Variants in STX1B observed in about 807,000 individuals in gnomAD.
The protein encoded by STX1B is syntaxin-1B.
In STX1B, 7 loss-of-function variants were observed where a neutral mutation model predicts 39.4. The ratio of observed to expected loss-of-function variants is 0.18; its 90% CI spans 0.10 to 0.33. STX1B has a LOEUF of 0.33. Ranked by LOEUF, STX1B falls within the 10% of genes least tolerant of loss-of-function variation. The pLI, the probability that STX1B is intolerant of heterozygous loss-of-function variation, is 1.00. For missense variants in STX1B, 198 were observed against 383.2 expected (o/e 0.52, Z 4.04); for synonymous variants, 136 against 144.1 (o/e 0.94, Z 0.40).
In STX1B at chr16:30,993,250, G is replaced by A. The variant is rs375416339; in HGVS notation, c.676-10C>T. Reference sequence around the variant, plus strand: ...GGTCAATCATCTCTCCCTGCAGACAGAGGAGACATGCACAGGGAGGGATGG... The same window carrying A: ...GGTCAATCATCTCTCCCTGCAGACAAAGGAGACATGCACAGGGAGGGATGG... On this transcript the variant is annotated splice_polypyrimidine_tract_variant and intron_variant, in intron 8 of 9. Coordinates refer to ENST00000215095, the MANE Select transcript of STX1B (RefSeq NM_052874.5). 2.5e-6 allele frequency: 4 copies of A among 1,613,648 alleles called. No individual in the cohort carries two copies. The African/African-American group carries it at 4.0e-5, about 16-fold the overall frequency.
chr16:31,004,964 C>T (rs571188715), intron 1 of STX1B, among the ~76,000 whole-genome samples: 2 of 152,216 alleles, frequency 1.3e-5, no homozygotes, highest in Non-Finnish European at 2.9e-5. Context: ...TCCTAAAAAG[C>T]CCACTCTGCC....
At chr16:31,004,294 A>G (rs1264713698) in intron 1 of STX1B, among the ~76,000 whole-genome samples, 2 of 152,224 alleles carry the variant, frequency 1.3e-5, no homozygotes, top group African/African-American at 4.8e-5. Flanking sequence ...TGCTCCACAT[A>G]TATCTATCCA....
intron 4 of STX1B, among the ~76,000 whole-genome samples, chr16:30,997,942 T>C (rs988373890): frequency 1.3e-5 from 2 of 152,166 alleles, no homozygotes; most frequent in African/African-American, 4.8e-5. Context: ...GCCATGTATG[T>C]GGGGTGCTCC....
intron 7 of STX1B, chr16:30,996,310 C>A (rs2056591602): frequency 5.1e-6 from 1 of 194,768 alleles, no homozygotes; most frequent in Admixed American, 5.4e-5. Context: ...AGAGTTCTGA[C>A]TCTGAAACTA....
At chr16:30,994,709 T>C (rs1417436080) in intron 7 of STX1B, among the ~76,000 whole-genome samples, 1 of 152,006 alleles carries the variant, frequency 6.6e-6, no homozygotes. Context: ...TCACTGTTCT[T>C]ACCACATTGA....
intron 7 of STX1B, among the ~76,000 whole-genome samples, chr16:30,995,552 C>T (rs888349554): frequency 2.0e-5 from 3 of 151,182 alleles, no homozygotes; most frequent in African/African-American, 7.3e-5. Context: ...AGTGCAGTGG[C>T]AAGATCTCGG....
intron 1 of STX1B, among the ~76,000 whole-genome samples, chr16:31,003,307 A>G (rs1468173230): frequency 6.6e-6 from 1 of 152,228 alleles, no homozygotes; most frequent in Non-Finnish European, 1.5e-5. Context: ...CTTGGCTCAC[A>G]GCTGCCCCCA....
At chr16:30,997,639 C>T (rs1417307142) in intron 4 of STX1B, 64 bp from the exon 5 acceptor site, 10 of 1,468,982 alleles carry the variant, frequency 6.8e-6, no homozygotes, top group African/African-American at 2.8e-5. Context: ...GGGTCCGGGG[C>T]GTACGAATGG....
At chr16:30,998,979 A>G (rs1293882773) in intron 4 of STX1B, among the ~76,000 whole-genome samples, 1 of 152,154 alleles carries the variant, frequency 6.6e-6, no homozygotes, top group Admixed American at 6.6e-5. Flanking sequence ...CAGCTAGAAC[A>G]ACCTGACTTT....
At position 31,001,215 on chromosome 16, in the gene STX1B, A is replaced by C. The variant is rs1596719519; in HGVS notation, c.106-22T>G. On this transcript the variant is annotated intron_variant, in intron 2 of 9. Transcript: ENST00000215095. This position sits in a 1 kb window ranked among gnomAD's most constrained non-coding sequence, Gnocchi z 5.5. ...CCACCTGGAGCAGAAAATCGGCTAT[A>C]CCCAGCCAAGCTGTCAGGCCAAACA... The C allele has an allele frequency of 6.2e-7, 1 of 1,610,408 alleles. No homozygotes were observed.
chr16:30,993,124 G>C lies in STX1B; in HGVS notation c.786+6C>G. 3.7e-6 allele frequency: 6 copies of C among 1,613,576 alleles called. No individual in the cohort carries two copies. The highest frequency in any genetic ancestry group is 5.1e-6 in the Non-Finnish European group (6 of 1,179,508). On this transcript the variant is annotated splice_donor_region_variant and intron_variant, in intron 9 of 9. Transcript: ENST00000215095. Reference sequence around the variant, plus strand: ...CGCCTACCCCCAGGCCGCCTGCCCCGCTCACCCTCCGGGCCTTGCTCTGAT... The same window carrying C: ...CGCCTACCCCCAGGCCGCCTGCCCCCCTCACCCTCCGGGCCTTGCTCTGAT...
chr16:30,997,508 C>T lies in STX1B; in HGVS notation c.348G>A (p.Lys116=). The change falls in exon 5 of 10, where the codon AAG becomes AAA. Residue 116 remains lysine (K), a synonymous_variant. Coordinates refer to ENST00000215095, the MANE Select transcript of STX1B (RefSeq NM_052874.5). ...NRSSADLRIR[K]TQHSTLSRKF... is the part of the protein sequence containing the mutation. ...ATGGGCTGCCGCCTCCTACCTGGGTCTTGCGGATGCGCAGGTCCGCGGAGG... is the reference window on the plus strand; with the variant it reads ...ATGGGCTGCCGCCTCCTACCTGGGTTTTGCGGATGCGCAGGTCCGCGGAGG... The T allele has an allele frequency of 6.2e-7, 1 of 1,606,586 alleles. No homozygotes were observed. Among genetic ancestry groups the T allele is most frequent in the Non-Finnish European group, 8.5e-7 (1 of 1,177,324 alleles).
chr16:31,007,327 G>T lies in STX1B; in HGVS notation c.30+3040C>A, dbSNP rs2056659626. ...AGCCTCAGATTCAGGCTCCTGCAGT[G>T]CAGGCCCCACCTTCCTCCCAGGGTG... On this transcript the variant is annotated intron_variant, in intron 1 of 9. Transcript: ENST00000215095. Among the ~76,000 whole-genome samples the T allele has an allele frequency of 2.6e-5, 4 of 152,170 alleles. No homozygotes were observed. The South Asian group carries it at 6.2e-4, about 24-fold the overall frequency.
chr16:31,001,427 G>A lies in STX1B; in HGVS notation c.105+102C>T, dbSNP rs957848891. The A allele has an allele frequency of 3.1e-6, 3 of 976,104 alleles. No homozygotes were observed. The highest frequency in any genetic ancestry group is 4.5e-6 in the Non-Finnish European group (3 of 659,370). The allele number at this position is 976,104 out of a possible 1,614,324, so 60.5% of individuals were successfully genotyped here. On this transcript the variant is annotated intron_variant, in intron 2 of 9. Transcript: ENST00000215095. This position sits in a 1 kb window ranked among gnomAD's most constrained non-coding sequence, Gnocchi z 5.5. ...ACTAGGGGCTGGGGCTGGGTGCTGG[G>A]GCTGGGGCTGGGTGCCGGGGCTGAG...
rs766362162 is a variant in STX1B at position 30,997,544 on chromosome 16, C to A, written c.312G>T (p.Gly104=). 6 of 1,610,512 alleles carry A rather than the reference C, an allele frequency of 3.7e-6. No individual in the cohort carries two copies. The South Asian group carries it at 6.7e-5, about 18-fold the overall frequency. The change falls in exon 5 of 10, where the codon GGG becomes GGT. Residue 104 remains glycine (G), a synonymous_variant. Coordinates refer to ENST00000215095, the MANE Select transcript of STX1B (RefSeq NM_052874.5). ...AIEQSIEQEE[G]LNRSSADLRI... is the part of the protein sequence containing the mutation. Reference sequence around the variant, plus strand: ...GCAGGTCCGCGGAGGAACGGTTCAGCCCCTCCTCCTGTTCAATGCTTTGCT... The same window carrying A: ...GCAGGTCCGCGGAGGAACGGTTCAGACCCTCCTCCTGTTCAATGCTTTGCT...
chr16:31,008,213 G>T (rs1035078553), intron 1 of STX1B, among the ~76,000 whole-genome samples: 38 of 151,540 alleles, frequency 2.5e-4, no homozygotes, highest in African/African-American at 9.2e-4. Flanking sequence ...TACGCTACCT[G>T]AATCTGTCAG....
intron 4 of STX1B, among the ~76,000 whole-genome samples, chr16:31,000,574 C>A (rs1235797773): frequency 6.6e-6 from 1 of 151,744 alleles, no homozygotes; most frequent in Non-Finnish European, 1.5e-5. Context: ...CTCACTGTAA[C>A]CTCCACCTCC....
chr16:30,997,647 T>A, intron 4 of STX1B, 72 bp from the exon 5 acceptor site: 1 of 1,399,626 alleles, frequency 7.1e-7, no homozygotes, highest in Non-Finnish European at 9.9e-7. Flanking sequence ...GGCGTACGAA[T>A]GGTCAACACC....
At position 30,992,297 on chromosome 16, in the gene STX1B, T is replaced by C. The variant is rs1275392589; in HGVS notation, c.*524A>G. The C allele has an allele frequency of 6.5e-6, 1 of 152,834 alleles. No individual in the cohort carries two copies. Among genetic ancestry groups the C allele is most frequent in the Non-Finnish European group, 1.5e-5 (1 of 68,548 alleles). The allele number at this position is 152,834 out of a possible 1,614,324, so 9.5% of individuals were successfully genotyped here. ...GCTCAGGTATCAGTGGCTTTGTTGC[T>C]GTTGCATTAGGTTCAAACACTGAAA... On this transcript the variant is annotated 3_prime_UTR_variant, in exon 10 of 10. Transcript: ENST00000215095.
Sources: gnomAD v4.1 joint callset for allele counts (sites outside exome capture counted in the v4.1 genomes callset) on GRCh38, gnomAD v4.1.1 for gene constraint, Gnocchi (gnomAD v3.1) non-coding constraint, MANE v1.5 for transcripts, NCBI Gene and HGNC (gene_info 2026-07-23, HGNC 2026-07-21) for gene names.